Variants in SULF2 observed in about 807,000 individuals in gnomAD.
The protein encoded by SULF2 is extracellular sulfatase Sulf-2.
In SULF2, 52 loss-of-function variants were observed where a neutral mutation model predicts 107.7. The ratio of observed to expected loss-of-function variants is 0.48; its 90% CI spans 0.39 to 0.61. The LOEUF is 0.61. Ranked by LOEUF, SULF2 falls within the 20% of genes least tolerant of loss-of-function variation. SULF2 has a pLI of 0.00. For missense variants in SULF2, 993 were observed against 1,177.3 expected (o/e 0.84, Z 2.29); for synonymous variants, 460 against 464.3 (o/e 0.99, Z 0.12).
At chr20:47,712,595 C>T (rs977600941) in intron 3 of SULF2, among the ~76,000 whole-genome samples, 3 of 152,182 alleles carry the variant, frequency 2.0e-5, no homozygotes, top group Non-Finnish European at 2.9e-5. Context: ...AGTGTGCACA[C>T]GGTGAGCAGT....
At chr20:47,772,252 G>C (rs969874576) in intron 1 of SULF2, among the ~76,000 whole-genome samples, 1 of 152,222 alleles carries the variant, frequency 6.6e-6, no homozygotes, top group African/African-American at 2.4e-5. Context: ...GCGTGGGCAG[G>C]ATCATTCTTC....
chr20:47,759,465 G>A (rs1301525541), intron 1 of SULF2, among the ~76,000 whole-genome samples: 1 of 152,224 alleles, frequency 6.6e-6, no homozygotes, highest in Non-Finnish European at 1.5e-5. Context: ...GCTGAGGCAG[G>A]TGGATCACCT....
chr20:47,700,077 T>C (rs1460123345), intron 4 of SULF2, among the ~76,000 whole-genome samples: 1 of 152,192 alleles, frequency 6.6e-6, no homozygotes, highest in African/African-American at 2.4e-5. Flanking sequence ...TGTGGGGGGA[T>C]GTCAGAGCTG....
intron 3 of SULF2, among the ~76,000 whole-genome samples, chr20:47,708,842 C>T (rs769340797): frequency 5.9e-5 from 9 of 152,126 alleles, no homozygotes; most frequent in East Asian, 3.9e-4. Context: ...TTCAGTGCCA[C>T]GGATGTCAGC....
chr20:47,759,540 A>C (rs780851153), intron 1 of SULF2, among the ~76,000 whole-genome samples: 2 of 152,174 alleles, frequency 1.3e-5, no homozygotes, highest in Non-Finnish European at 2.9e-5. Context: ...AAAAATACGC[A>C]AATTAGCTGG....
upstream of SULF2, among the ~76,000 whole-genome samples, chr20:47,785,679 C>T (rs2122799530): frequency 6.8e-6 from 1 of 147,074 alleles, no homozygotes; most frequent in Non-Finnish European, 1.5e-5. Context: ...GCGCTACCGC[C>T]CCCCGCTCGC....
At chr20:47,690,500 G>A (rs549341222) in intron 4 of SULF2, among the ~76,000 whole-genome samples, 174 of 152,304 alleles carry the variant, frequency 1.1e-3, no homozygotes, top group South Asian at 3.9e-3. Flanking sequence ...TGATGCAAAT[G>A]GTGCTAAGCT....
chr20:47,661,035 C>G (rs1390167842), intron 18 of SULF2, among the ~76,000 whole-genome samples: 1 of 152,148 alleles, frequency 6.6e-6, no homozygotes, highest in East Asian at 1.9e-4. Context: ...CATTCTCCAC[C>G]TAGCAAATGT....
chr20:47,772,265 T>C (rs2090644703), intron 1 of SULF2, among the ~76,000 whole-genome samples: 1 of 152,204 alleles, frequency 6.6e-6, no homozygotes, highest in Non-Finnish European at 1.5e-5. Context: ...CATTCTTCGA[T>C]GGGGGACTGT....
In SULF2 at chr20:47,736,153, G is replaced by T. The variant is rs138988565; in HGVS notation, c.415+550C>A. Among the ~76,000 whole-genome samples, 71 of 152,222 alleles carry T rather than the reference G, an allele frequency of 4.7e-4. No individual in the cohort carries two copies. In the East Asian group the frequency reaches 0.014, roughly 29 times the overall value. On this transcript the variant is annotated intron_variant, in intron 3 of 20. Coordinates refer to ENST00000688720, the MANE Select transcript of SULF2 (RefSeq NM_001387048.1). ...AGAGCCCACCAAAGACCTCCTGAAG[G>T]ATAAGCAAACAGGAACTGGGTCGCC...
At chr20:47,773,510 A>G (rs1024392067) in intron 1 of SULF2, among the ~76,000 whole-genome samples, 7 of 152,268 alleles carry the variant, frequency 4.6e-5, no homozygotes, top group Non-Finnish European at 1.0e-4. Flanking sequence ...TGTGGCCCAC[A>G]GGAGGCTGGA....
At chr20:47,707,278 C>A (rs576027319) in intron 3 of SULF2, among the ~76,000 whole-genome samples, 2 of 152,114 alleles carry the variant, frequency 1.3e-5, no homozygotes, top group Admixed American at 6.5e-5. Flanking sequence ...TGTGAGCCAC[C>A]CTGTCCGGCA....
chr20:47,741,890 A>G (rs1357080489), intron 2 of SULF2, among the ~76,000 whole-genome samples: 1 of 152,226 alleles, frequency 6.6e-6, no homozygotes, highest in African/African-American at 2.4e-5. Flanking sequence ...CAAACAGTGA[A>G]CAGCCTCCAG....
At chr20:47,683,487 C>T (rs1181509830) in intron 6 of SULF2, among the ~76,000 whole-genome samples, 4 of 152,266 alleles carry the variant, frequency 2.6e-5, no homozygotes, top group African/African-American at 9.6e-5. Context: ...TCCCTGCCTG[C>T]TGTATCCCAC....
At chr20:47,740,226 G>A (rs895524169) in intron 2 of SULF2, among the ~76,000 whole-genome samples, 1 of 152,206 alleles carries the variant, frequency 6.6e-6, no homozygotes, top group African/African-American at 2.4e-5. Context: ...CTGGGGAGCT[G>A]AATGACTGGC....
At chr20:47,729,770 T>C (rs2089544621) in intron 3 of SULF2, among the ~76,000 whole-genome samples, 1 of 151,420 alleles carries the variant, frequency 6.6e-6, no homozygotes, top group Non-Finnish European at 1.5e-5. Flanking sequence ...GGGGCCAGGG[T>C]GGATGGGGTT....
chr20:47,686,204 C>T (rs1273352284), intron 5 of SULF2: 4 of 152,264 alleles, frequency 2.6e-5, no homozygotes, highest in African/African-American at 9.6e-5. Context: ...CTGGGTCTGT[C>T]ACTCACTCCG....
intron 11 of SULF2, among the ~76,000 whole-genome samples, chr20:47,671,031 C>T (rs1243106795): frequency 1.3e-5 from 2 of 152,154 alleles, no homozygotes; most frequent in East Asian, 1.9e-4. Flanking sequence ...AGGGCACAGG[C>T]TCATTCTTGT....
At chr20:47,742,698 G>A (rs759601133) in intron 2 of SULF2, among the ~76,000 whole-genome samples, 17 of 152,096 alleles carry the variant, frequency 1.1e-4, no homozygotes, top group Non-Finnish European at 2.5e-4. Context: ...AGTTAACTAC[G>A]TCGAGTTAGA....
Sources: gnomAD v4.1 joint callset for allele counts (sites outside exome capture counted in the v4.1 genomes callset) on GRCh38, gnomAD v4.1.1 for gene constraint, MANE v1.5 for transcripts, NCBI Gene and HGNC (gene_info 2026-07-23, HGNC 2026-07-21) for gene names.